The following LRRIQ3 variants were observed in gnomAD, a reference collection of about 807,000 sequenced individuals.
LRRIQ3 encodes leucine rich repeats and IQ motif containing 3, also known as leucine-rich repeat and IQ domain-containing protein 3.
Under a neutral mutation model 59.3 loss-of-function variants are expected in LRRIQ3, and 75 were observed. That is an observed-to-expected ratio of 1.26 (90% CI 1.05 to 1.53). The LOEUF (loss-of-function observed/expected upper bound fraction) is 1.53, where lower values mean the gene tolerates loss of function less well. Among genes scored for constraint, LRRIQ3 ranks in the 40% most tolerant of loss-of-function variants. The pLI is 0.00. For missense variants in LRRIQ3, 831 were observed against 710.0 expected, an observed-to-expected ratio of 1.17 and a Z score of -1.94; for synonymous variants, 250 against 231.3, an observed-to-expected ratio of 1.08 and a Z score of -0.73.
intron 6 of LRRIQ3, among the ~76,000 whole-genome samples, chr1:74,051,233 T>C (rs746929749): frequency 7.2e-5 from 11 of 152,062 alleles, no homozygotes; most frequent in South Asian, 2.1e-4. Context: ...AAAATGAAAA[T>C]AGAGCATTAA....
intron 6 of LRRIQ3, among the ~76,000 whole-genome samples, chr1:74,047,632 C>G (rs1234821059): frequency 6.6e-6 from 1 of 151,986 alleles, no homozygotes; most frequent in Non-Finnish European, 1.5e-5. Context: ...AGAGGTCCTT[C>G]ACCCTCTACC....
chr1:74,165,425 G>T (rs1418008364), intron 3 of LRRIQ3, among the ~76,000 whole-genome samples: 1 of 151,434 alleles, frequency 6.6e-6, no homozygotes, highest in African/African-American at 2.4e-5. Context: ...TATAATTTTT[G>T]TATGTTTATC....
chr1:74,121,856 A>G, intron 4 of LRRIQ3, among the ~76,000 whole-genome samples: 1 of 151,596 alleles, frequency 6.6e-6, no homozygotes, highest in Admixed American at 6.6e-5. Context: ...TCCTTGCGAC[A>G]GTTTGCTGAG....
chr1:74,163,102 A>G (rs189272869), intron 3 of LRRIQ3, among the ~76,000 whole-genome samples: 5 of 151,770 alleles, frequency 3.3e-5, no homozygotes, highest in African/African-American at 4.8e-5. Flanking sequence ...CATGAATGCC[A>G]TAAATATGTA....
At chr1:74,048,609 T>C (rs1292696065) in intron 6 of LRRIQ3, among the ~76,000 whole-genome samples, 1 of 152,192 alleles carries the variant, frequency 6.6e-6, no homozygotes, top group South Asian at 2.1e-4. Context: ...GCTTGCAAAT[T>C]CTATGGAAAT....
At chr1:74,112,113 C>T (rs1226880012) in intron 4 of LRRIQ3, among the ~76,000 whole-genome samples, 1 of 152,092 alleles carries the variant, frequency 6.6e-6, no homozygotes, top group Non-Finnish European at 1.5e-5. Flanking sequence ...CTAGAGACTG[C>T]TGTCACAGCT....
At position 74,182,594 on chromosome 1, in the gene LRRIQ3, T is replaced by C; in HGVS notation, c.517A>G (p.Arg173Gly). The change falls in exon 3 of 8, where the codon AGA becomes GGA. Residue 173 changes from arginine to glycine, a missense_variant. Coordinates refer to ENST00000354431, the MANE Select transcript of LRRIQ3 (RefSeq NM_001105659.2). ...AGTCGATGGTTACATGCTTTGAATC[T>C]TTCAGGAAGATGCCAGTTCTGAATT... ...EIIQNWHLPE[R>G]FKACNHRLFF... 1.2e-6 allele frequency: 2 copies of C among 1,606,026 alleles called. No individual in the cohort carries two copies. Among genetic ancestry groups the C allele is most frequent in the Middle Eastern group, 1.7e-4 (1 of 6,030 alleles).
intron 6 of LRRIQ3, among the ~76,000 whole-genome samples, chr1:74,046,372 TAATA>T (rs1557591510): frequency 6.6e-6 from 1 of 152,130 alleles, no homozygotes; most frequent in Non-Finnish European, 1.5e-5. Context: ...GTACCCTAAT[TAATA>T]AATGGTGCTA....
At chr1:74,032,044 A>T (rs1320847199) in intron 7 of LRRIQ3, among the ~76,000 whole-genome samples, 1 of 151,898 alleles carries the variant, frequency 6.6e-6, no homozygotes, top group African/African-American at 2.4e-5. Flanking sequence ...TATGATGTCA[A>T]TTTTTCCCAA....
At chr1:74,055,932 C>G (rs1404451129) in intron 6 of LRRIQ3, among the ~76,000 whole-genome samples, 2 of 151,968 alleles carry the variant, frequency 1.3e-5, no homozygotes, top group Admixed American at 1.3e-4. Context: ...ATCACGAGGT[C>G]AGGTGATCAA....
At chr1:74,137,399 T>A (rs943953772) in intron 4 of LRRIQ3, among the ~76,000 whole-genome samples, 5 of 151,976 alleles carry the variant, frequency 3.3e-5, no homozygotes, top group Non-Finnish European at 7.4e-5. Context: ...TGAGATACCA[T>A]CTCATGCCAG....
At chr1:74,075,291 G>T (rs182372683) in intron 5 of LRRIQ3, among the ~76,000 whole-genome samples, 1 of 152,160 alleles carries the variant, frequency 6.6e-6, no homozygotes, top group Non-Finnish European at 1.5e-5. Context: ...AATGGGCCAG[G>T]CACAGGGGCT....
At chr1:74,141,986 C>T (rs796345174) in intron 4 of LRRIQ3, among the ~76,000 whole-genome samples, 11,852 of 141,740 alleles carry the variant, frequency 0.084, 727 homozygotes, top group African/African-American at 0.2. Context: ...CATTTATACA[C>T]ACACACACAC....
rs768486245 is a variant in LRRIQ3, at chr1:74,074,795, GAAAAT to G, written c.868-10_868-6del. 10 of 1,261,030 alleles carry G rather than the reference GAAAAT, an allele frequency of 7.9e-6. No individual in the cohort carries two copies. The East Asian group carries it at 8.2e-5, about 10-fold the overall frequency. 78.1% of individuals were successfully genotyped at this position (1,261,030 alleles called of 1,614,324 possible). ...ATCAACAGGATAATATATATTCTGT[GAAAAT>G]AAAATAAAAGCAATGACAATGATAA... On this transcript the variant is annotated splice_polypyrimidine_tract_variant and splice_region_variant and intron_variant, in intron 5 of 7. Transcript: ENST00000354431.
intron 6 of LRRIQ3, among the ~76,000 whole-genome samples, chr1:74,055,626 T>A (rs1654510915): frequency 6.6e-6 from 1 of 152,186 alleles, no homozygotes; most frequent in South Asian, 2.1e-4. Flanking sequence ...GATATTTGAT[T>A]TTTTTATTTG....
At chr1:74,088,286 T>G (rs1282788726) in intron 5 of LRRIQ3, among the ~76,000 whole-genome samples, 1 of 152,114 alleles carries the variant, frequency 6.6e-6, no homozygotes, top group African/African-American at 2.4e-5. Flanking sequence ...AGGAATTATT[T>G]GCATGTTAAT....
In LRRIQ3 at chr1:74,147,098, C is replaced by T. The variant is rs147401553; in HGVS notation, c.707+8635G>A. On this transcript the variant is annotated intron_variant, in intron 4 of 7. Coordinates refer to ENST00000354431, the MANE Select transcript of LRRIQ3 (RefSeq NM_001105659.2). ...CAAAAATGAGCCAGGCATGGCAACG[C>T]GTGCCTGTGGTCCCAGCCACTCAGG... Among the ~76,000 whole-genome samples the T allele has an allele frequency of 2.3e-3, 351 of 152,078 alleles. 4 individuals carry two copies. The highest frequency in any genetic ancestry group is 7.6e-3 in the African/African-American group (314 of 41,512).
chr1:74,161,631 G>A (rs182543279), intron 3 of LRRIQ3, among the ~76,000 whole-genome samples: 2 of 151,730 alleles, frequency 1.3e-5, no homozygotes, highest in African/African-American at 4.8e-5. Context: ...AAGTAGCCCT[G>A]GTCAGAAGCA....
intron 5 of LRRIQ3, chr1:74,084,333 C>A: frequency 9.5e-7 from 1 of 1,056,770 alleles, no homozygotes; most frequent in Non-Finnish European, 1.3e-6. Flanking sequence ...GGACAGTGAG[C>A]TCAAGATTTG....
Sources: gnomAD v4.1 joint callset for allele counts (sites outside exome capture counted in the v4.1 genomes callset) on GRCh38, gnomAD v4.1.1 for gene constraint, MANE v1.5 for transcripts, NCBI Gene and HGNC (gene_info 2026-07-23, HGNC 2026-07-21) for gene names.